Variants in NAA16 observed in about 807,000 individuals in gnomAD.
The protein encoded by NAA16 is N-alpha-acetyltransferase 16, NatA auxiliary subunit.
NAA16 carries 97 observed loss-of-function variants against 110.3 expected under a neutral mutation model. The observed-to-expected ratio is 0.88, with a 90% CI of 0.75 to 1.04. The LOEUF (loss-of-function observed/expected upper bound fraction) is 1.04. Ranked by LOEUF, NAA16 falls within the 50% of genes least tolerant of loss-of-function variation. NAA16 has a pLI of 0.00. For missense variants in NAA16, 1,017 were observed against 1,005.1 expected (o/e 1.01, Z -0.16); for synonymous variants, 372 against 330.6 (o/e 1.13, Z -1.36).
At chr13:41,347,225 A>C (rs148931533) in intron 9 of NAA16, among the ~76,000 whole-genome samples, 15 of 17,340 alleles carry the variant, frequency 8.7e-4, no homozygotes, top group African/African-American at 3.6e-3. Flanking sequence ...AAAAAAAAAA[A>C]AACAAAAACA....
intron 4 of NAA16, among the ~76,000 whole-genome samples, chr13:41,321,377 A>G (rs144638987): frequency 3.6e-4 from 55 of 152,290 alleles, no homozygotes; most frequent in African/African-American, 1.3e-3. Flanking sequence ...AGGTCTTGCT[A>G]TGTTACCAAG....
At chr13:41,327,072 G>T (rs572750871) in intron 6 of NAA16, among the ~76,000 whole-genome samples, 1 of 152,190 alleles carries the variant, frequency 6.6e-6, no homozygotes, top group African/African-American at 2.4e-5. Context: ...TCTCTTGCCT[G>T]AGAAAGATTG....
intron 6 of NAA16, among the ~76,000 whole-genome samples, chr13:41,326,237 A>G (rs2042090672): frequency 6.6e-6 from 1 of 152,212 alleles, no homozygotes. Flanking sequence ...GATCATCATG[A>G]ACACAAAGGT....
intron 9 of NAA16, among the ~76,000 whole-genome samples, chr13:41,349,908 CTG>C (rs2042781889): frequency 6.6e-6 from 1 of 151,096 alleles, no homozygotes; most frequent in South Asian, 2.1e-4. Context: ...TTGCAGTGAG[CTG>C]AGATCGCACC....
intron 9 of NAA16, among the ~76,000 whole-genome samples, chr13:41,342,053 C>T (rs1247211577): frequency 6.6e-6 from 1 of 150,992 alleles, no homozygotes; most frequent in Non-Finnish European, 1.5e-5. Context: ...AGGATGGTCT[C>T]GATCTCCTGA....
At chr13:41,343,688 C>G (rs2139450596) in intron 9 of NAA16, among the ~76,000 whole-genome samples, 1 of 152,284 alleles carries the variant, frequency 6.6e-6, no homozygotes, top group Admixed American at 6.5e-5. Flanking sequence ...CACCGCCACA[C>G]CCGGCTAATT....
chr13:41,352,357 A>T lies in NAA16; in HGVS notation c.1015-2787A>T, dbSNP rs528275309. On this transcript the variant is annotated intron_variant, in intron 9 of 19. Coordinates refer to ENST00000379406, the MANE Select transcript of NAA16 (RefSeq NM_024561.5). ...ACCCCGTCTCAAAAAATAAAAATAAAGTAACTATAAATTTTGGCTTGGCAC... is the reference window on the plus strand; with the variant it reads ...ACCCCGTCTCAAAAAATAAAAATAATGTAACTATAAATTTTGGCTTGGCAC... 5.3e-5 allele frequency among the ~76,000 whole-genome samples: 8 copies of T among 151,940 alleles called. No homozygotes were observed. In the East Asian group the frequency reaches 1.6e-3, roughly 30 times the overall value.
chr13:41,359,243 G>A (rs764459833), intron 12 of NAA16, among the ~76,000 whole-genome samples: 3 of 152,132 alleles, frequency 2.0e-5, no homozygotes, highest in Admixed American at 6.5e-5. Flanking sequence ...TAGCACTTAC[G>A]TGTAAAATTT....
At chr13:41,340,870 G>A (rs1220511365) in intron 9 of NAA16, among the ~76,000 whole-genome samples, 1 of 151,464 alleles carries the variant, frequency 6.6e-6, no homozygotes, top group East Asian at 1.9e-4. Context: ...TAGTAGAGAT[G>A]GGGTTTCACC....
intron 7 of NAA16, among the ~76,000 whole-genome samples, chr13:41,330,485 T>C (rs1312743742): frequency 6.6e-6 from 1 of 152,064 alleles, no homozygotes; most frequent in East Asian, 1.9e-4. Flanking sequence ...AACTTTATAG[T>C]TCAAAAACAG....
intron 10 of NAA16, 87 bp downstream of exon 10, chr13:41,355,303 G>A: frequency 1.3e-6 from 1 of 743,462 alleles, no homozygotes; most frequent in Non-Finnish European, 2.2e-6. Context: ...TTATGTGTGT[G>A]CTACCTAATG....
intron 15 of NAA16, among the ~76,000 whole-genome samples, chr13:41,370,526 AG>A (rs1340111202): frequency 6.6e-6 from 1 of 152,212 alleles, no homozygotes; most frequent in African/African-American, 2.4e-5. Flanking sequence ...TGAGCCTTGA[AG>A]GGAAAAAATA....
chr13:41,368,045 A>G (rs960866868), intron 14 of NAA16, among the ~76,000 whole-genome samples: 1 of 152,200 alleles, frequency 6.6e-6, no homozygotes, highest in Non-Finnish European at 1.5e-5. Flanking sequence ...CAAAAATTTT[A>G]AAAAGACGAG....
intron 9 of NAA16, among the ~76,000 whole-genome samples, chr13:41,346,951 G>A (rs906679023): frequency 2.0e-5 from 3 of 152,170 alleles, no homozygotes; most frequent in Admixed American, 2.0e-4. Flanking sequence ...GGGCGCGGTG[G>A]CTCACGCCTG....
chr13:41,316,279 G>A (rs957490410), intron 1 of NAA16, among the ~76,000 whole-genome samples: 10 of 150,802 alleles, frequency 6.6e-5, no homozygotes, highest in Non-Finnish European at 1.2e-4. Context: ...ACAGGCATGC[G>A]CCACCACGTC....
At chr13:41,344,473 G>A (rs2042632191) in intron 9 of NAA16, among the ~76,000 whole-genome samples, 3 of 152,190 alleles carry the variant, frequency 2.0e-5, no homozygotes, top group Admixed American at 6.5e-5. Flanking sequence ...ATTTTACGAT[G>A]TCTGGAGAGG....
chr13:41,337,849 T>C (rs1431171201), intron 9 of NAA16, among the ~76,000 whole-genome samples: 5 of 152,208 alleles, frequency 3.3e-5, no homozygotes, highest in African/African-American at 9.6e-5. Context: ...ACATCAGTTA[T>C]AGATATAGCT....
chr13:41,363,921 A>G (rs1475413254), intron 13 of NAA16, among the ~76,000 whole-genome samples: 2 of 152,166 alleles, frequency 1.3e-5, no homozygotes, highest in Non-Finnish European at 2.9e-5. Context: ...CAACTCTTTT[A>G]TAGTTATTAT....
At position 41,317,244 on chromosome 13, in the gene NAA16, G is replaced by C. The variant is rs559138733; in HGVS notation, c.139+314G>C. ...AATAGAATTTAAAGTTTATACCTTG[G>C]TTTCCTGTGTGTAAAATTAGGACAA... On this transcript the variant is annotated intron_variant, in intron 2 of 19. Coordinates refer to ENST00000379406, the MANE Select transcript of NAA16 (RefSeq NM_024561.5). 2.6e-5 allele frequency among the ~76,000 whole-genome samples: 4 copies of C among 151,990 alleles called. No homozygotes were observed. In the South Asian group the frequency reaches 6.2e-4, roughly 24 times the overall value.
Sources: allele counts gnomAD v4.1 joint callset (sites outside exome capture counted in the v4.1 genomes callset), GRCh38; gene constraint gnomAD v4.1.1; transcripts MANE v1.5; gene names NCBI Gene and HGNC (gene_info 2026-07-23, HGNC 2026-07-21).